The following SCEL variants were observed in gnomAD, a reference collection of about 807,000 sequenced individuals.
The protein encoded by SCEL is sciellin.
SCEL carries 113 observed loss-of-function variants against 117.6 expected under a neutral mutation model. That is an observed-to-expected ratio of 0.96 (90% CI 0.83 to 1.12). The LOEUF (loss-of-function observed/expected upper bound fraction) is 1.12. Ranked by LOEUF, SCEL falls within the 50% of genes most tolerant of loss-of-function variation. The probability of loss-of-function intolerance (pLI) is 0.00; values close to 1 mark genes in which losing one functional copy is unlikely to be tolerated. For missense variants in SCEL, 785 were observed against 810.8 expected (o/e 0.97, Z 0.39); for synonymous variants, 270 against 256.2 (o/e 1.05, Z -0.51).
Position 77,633,406 on chromosome 13 carries a change from G to A in SCEL, c.1692-973G>A, listed in dbSNP as rs534435287. On this transcript the variant is annotated intron_variant, in intron 28 of 32. Transcript: ENST00000349847. ...AGCCGAGATTGCGCCACTGCAGTCC[G>A]CAGTCCGGCCTGGGCGACAGAGCGA... Among the ~76,000 whole-genome samples, 76 of 128,714 alleles carry A rather than the reference G, an allele frequency of 5.9e-4. No individual in the cohort carries two copies. In the Middle Eastern group the frequency reaches 0.012, roughly 21 times the overall value. 84.4% of individuals were successfully genotyped at this position (128,714 alleles called of 152,430 possible). A position where few individuals can be genotyped will look rare whatever the true frequency, so the allele number is the denominator to read the frequency against.
At chr13:77,604,303 G>T (rs2154401970) in intron 18 of SCEL, 53 bp from the exon 19 acceptor site, 2 of 1,139,296 alleles carry the variant, frequency 1.8e-6, no homozygotes, top group Non-Finnish European at 2.5e-6. Flanking sequence ...TTATTCATCT[G>T]ATTAGTGCTA....
chr13:77,578,609 T>G (rs2086089414), intron 9 of SCEL, among the ~76,000 whole-genome samples: 1 of 151,974 alleles, frequency 6.6e-6, no homozygotes, highest in African/African-American at 2.4e-5. Flanking sequence ...AGAGATCAGG[T>G]CCCCAAAGGG....
At position 77,589,382 on chromosome 13, in the gene SCEL, A is replaced by C. The variant is rs1594040839; in HGVS notation, c.626+158A>C. Among the ~76,000 whole-genome samples, 3 of 152,196 alleles carry C rather than the reference A, an allele frequency of 2.0e-5. No individual in the cohort carries two copies. In the East Asian group the frequency reaches 5.8e-4, roughly 29 times the overall value. On this transcript the variant is annotated intron_variant, in intron 10 of 32. Coordinates refer to ENST00000349847, the MANE Select transcript of SCEL (RefSeq NM_144777.3). ...TTTTTCTAATTTTATTTCCCAACAC[A>C]TATGTTTATTTATGTTTGTCTTTGA...
chr13:77,592,757 A>G (rs367706307), intron 11 of SCEL, among the ~76,000 whole-genome samples: 2 of 151,936 alleles, frequency 1.3e-5, no homozygotes, highest in African/African-American at 4.8e-5. Flanking sequence ...GGAGATGGGG[A>G]TCTCCCTTTG....
At chr13:77,543,289 T>C (rs1286624035) in intron 1 of SCEL, among the ~76,000 whole-genome samples, 10 of 151,656 alleles carry the variant, frequency 6.6e-5, no homozygotes, top group Non-Finnish European at 1.5e-4. Flanking sequence ...TTCACCGTTT[T>C]AGCCGGGATG....
chr13:77,551,821 T>A (rs898295499), intron 1 of SCEL, among the ~76,000 whole-genome samples: 4 of 151,026 alleles, frequency 2.6e-5, no homozygotes, highest in African/African-American at 9.7e-5. Context: ...TTTAGATATA[T>A]CTCCTAAAGC....
At position 77,631,676 on chromosome 13, in the gene SCEL, A is replaced by C. The variant is rs192372921; in HGVS notation, c.1692-2703A>C. Among the ~76,000 whole-genome samples, 127 of 152,016 alleles carry C rather than the reference A, an allele frequency of 8.4e-4. No homozygotes were observed. The East Asian group carries it at 0.018, about 22-fold the overall frequency. On this transcript the variant is annotated intron_variant, in intron 28 of 32. Transcript: ENST00000349847. ...TAAAATTATCATCCTCAAAGTCTACATGAGGAGCAAAATCCATCAAAGAAT... is the reference window on the plus strand; with the variant it reads ...TAAAATTATCATCCTCAAAGTCTACCTGAGGAGCAAAATCCATCAAAGAAT...
At chr13:77,600,765 G>A (rs951409301) in intron 15 of SCEL, among the ~76,000 whole-genome samples, 1 of 152,162 alleles carries the variant, frequency 6.6e-6, no homozygotes, top group Non-Finnish European at 1.5e-5. Context: ...GGATTTATGA[G>A]ATCTCTACTA....
chr13:77,548,379 C>G (rs2084112255), intron 1 of SCEL, among the ~76,000 whole-genome samples: 1 of 152,156 alleles, frequency 6.6e-6, no homozygotes, highest in African/African-American at 2.4e-5. Flanking sequence ...TATTTTACTT[C>G]AGATTGGCTA....
chr13:77,622,881 CATT>C (rs1417075371), intron 27 of SCEL, among the ~76,000 whole-genome samples: 1 of 152,048 alleles, frequency 6.6e-6, no homozygotes, highest in African/African-American at 2.4e-5. Flanking sequence ...AAACAAAAAA[CATT>C]ATTAGTTGCA....
At chr13:77,573,616 G>T (rs1026023032) in intron 9 of SCEL, among the ~76,000 whole-genome samples, 1 of 151,882 alleles carries the variant, frequency 6.6e-6, no homozygotes, top group Non-Finnish European at 1.5e-5. Context: ...AGCTCAAGTT[G>T]CTTTTTTTAT....
chr13:77,556,669 C>G lies in SCEL; in HGVS notation c.117C>G (p.Phe39Leu), dbSNP rs751858361. Residue 39 changes from phenylalanine to leucine, a missense_variant, in exon 3 of 33, where the codon TTC becomes TTG. By Grantham distance (22) the Phe-to-Leu change is conservative. Transcript: ENST00000349847. ...DFHEVNKRRTFLQDNSWIKKR... is the reference protein window; with the variant it reads ...DFHEVNKRRTLLQDNSWIKKR... ...ACGAGGTGAACAAAAGAAGAACTTTCTTACAGGATAACAGTTGGATAAAGA... is the reference window on the plus strand; with the variant it reads ...ACGAGGTGAACAAAAGAAGAACTTTGTTACAGGATAACAGTTGGATAAAGA... 6.8e-6 allele frequency: 11 copies of G among 1,614,054 alleles called. No individual in the cohort carries two copies. In the South Asian group the frequency reaches 1.2e-4, roughly 18 times the overall value.
chr13:77,599,332 T>G lies in SCEL; in HGVS notation c.801T>G (p.Asn267Lys). ...TTTTAAATCAATACATTTAAAGGAA[T>G]CAAGGTCTTGATAGTCTCTTCAGAG... ...LIKMNKSLNR[N>K]QGLDSLFRAN... The change falls in exon 14 of 33, where the codon AAT (asparagine) becomes AAG (lysine). Residue 267 changes from asparagine (N) to lysine (K), a missense_variant. Asn to Lys is a moderately conservative substitution (Grantham distance 94). Transcript: ENST00000349847. 4 of 1,610,444 alleles carry G rather than the reference T, an allele frequency of 2.5e-6. No homozygotes were observed. The East Asian group carries it at 8.9e-5, about 36-fold the overall frequency.
At chr13:77,623,502 A>G (rs117392741) in intron 27 of SCEL, 1 of 152,316 alleles carries the variant, frequency 6.6e-6, no homozygotes, top group Non-Finnish European at 1.5e-5. Flanking sequence ...TTACTCTACC[A>G]AACCTGATAT....
chr13:77,632,029 A>G (rs1441225895), intron 28 of SCEL, among the ~76,000 whole-genome samples: 1 of 152,196 alleles, frequency 6.6e-6, no homozygotes, highest in Non-Finnish European at 1.5e-5. Context: ...AGAAGGTAAG[A>G]TATCTCTGGT....
chr13:77,565,128 A>G (rs1396538998), intron 5 of SCEL, among the ~76,000 whole-genome samples: 2 of 152,166 alleles, frequency 1.3e-5, no homozygotes, highest in Non-Finnish European at 2.9e-5. Context: ...TGTGCATCTG[A>G]ACGTTTATGT....
At chr13:77,554,472 G>C (rs912352077) in intron 1 of SCEL, among the ~76,000 whole-genome samples, 2 of 152,120 alleles carry the variant, frequency 1.3e-5, no homozygotes, top group East Asian at 1.9e-4. Context: ...AAAATAATAC[G>C]TTGACCCAAA....
intron 1 of SCEL, among the ~76,000 whole-genome samples, chr13:77,540,391 A>T (rs894590556): frequency 3.9e-5 from 6 of 152,224 alleles, no homozygotes; most frequent in Admixed American, 3.9e-4. Context: ...GGGGAAGATT[A>T]TTCAGCCATA....
intron 9 of SCEL, among the ~76,000 whole-genome samples, chr13:77,579,885 C>T (rs776172649): frequency 3.3e-5 from 5 of 152,030 alleles, no homozygotes; most frequent in African/African-American, 7.3e-5. Context: ...CCAGAGAGTA[C>T]GGTGTGTATG....
Sources: allele counts gnomAD v4.1 joint callset (sites outside exome capture counted in the v4.1 genomes callset), GRCh38; gene constraint gnomAD v4.1.1; transcripts MANE v1.5; gene names NCBI Gene and HGNC (gene_info 2026-07-23, HGNC 2026-07-21).